The following FRMD5 variants were observed in gnomAD, a reference collection of about 807,000 sequenced individuals.
FRMD5 encodes the protein FERM domain containing 5.
A neutral mutation model predicts 69.0 loss-of-function variants in FRMD5; 20 were observed. The observed-to-expected ratio is 0.29, with a 90% CI of 0.20 to 0.42. FRMD5 has a LOEUF of 0.42. Ranked by LOEUF, FRMD5 falls within the 10% of genes least tolerant of loss-of-function variation. The pLI, the probability that FRMD5 is intolerant of heterozygous loss-of-function variation, is 1.00. For missense variants in FRMD5, 595 were observed against 708.6 expected, an observed-to-expected ratio of 0.84 and a Z score of 1.82; for synonymous variants, 271 against 260.1, an observed-to-expected ratio of 1.04 and a Z score of -0.40.
intron 1 of FRMD5, among the ~76,000 whole-genome samples, chr15:44,072,054 C>T (rs1195144983): frequency 2.6e-5 from 4 of 152,060 alleles, no homozygotes; most frequent in South Asian, 2.1e-4. Flanking sequence ...TTAGCAGAGA[C>T]GTGGTTTCAC....
chr15:44,069,983 A>C (rs1893468781), intron 1 of FRMD5, among the ~76,000 whole-genome samples: 1 of 152,184 alleles, frequency 6.6e-6, no homozygotes, highest in Non-Finnish European at 1.5e-5. Flanking sequence ...CTACTAAGGA[A>C]ATTTTTTAAA....
At chr15:43,963,295 C>T (rs966267844) in intron 1 of FRMD5, among the ~76,000 whole-genome samples, 1 of 152,170 alleles carries the variant, frequency 6.6e-6, no homozygotes, top group African/African-American at 2.4e-5. Flanking sequence ...AGCTAAAAAA[C>T]ACATGAAAAA....
intron 1 of FRMD5, among the ~76,000 whole-genome samples, chr15:44,157,844 CTT>C (rs1454497887): frequency 6.6e-6 from 1 of 151,896 alleles, no homozygotes; most frequent in East Asian, 1.9e-4. Context: ...TGATTTCAAA[CTT>C]AAAAAAAAAG....
chr15:43,991,136 G>A (rs574669813), intron 1 of FRMD5, among the ~76,000 whole-genome samples: 1 of 152,306 alleles, frequency 6.6e-6, no homozygotes, highest in Non-Finnish European at 1.5e-5. Context: ...ACAGGTCTCT[G>A]CCAGAGTTAA....
intron 1 of FRMD5, among the ~76,000 whole-genome samples, chr15:44,005,549 T>A (rs552479245): frequency 1.3e-5 from 2 of 150,714 alleles, no homozygotes; most frequent in East Asian, 2.0e-4. Flanking sequence ...TTTAATTGAC[T>A]CAGTTCTGCA....
intron 1 of FRMD5, among the ~76,000 whole-genome samples, chr15:43,974,594 C>T (rs536408284): frequency 1.3e-5 from 2 of 152,296 alleles, no homozygotes; most frequent in East Asian, 3.9e-4. Context: ...AGGGCGGTGC[C>T]TTATCCATTT....
intron 7 of FRMD5, among the ~76,000 whole-genome samples, chr15:43,898,318 G>C (rs1327559802): frequency 6.6e-6 from 1 of 152,246 alleles, no homozygotes; most frequent in Non-Finnish European, 1.5e-5. Context: ...ATGTTAGTTG[G>C]TTCCTTAGAG....
At chr15:43,875,968 G>A in intron 13 of FRMD5, 1 of 1,382,036 alleles carries the variant, frequency 7.2e-7, no homozygotes, top group Middle Eastern at 2.1e-4. Context: ...TCTTGAAATG[G>A]TCCCACCATG....
intron 1 of FRMD5, among the ~76,000 whole-genome samples, chr15:44,133,255 C>T (rs991253174): frequency 6.6e-6 from 1 of 150,818 alleles, no homozygotes; most frequent in African/African-American, 2.4e-5. Flanking sequence ...ATTAAAATGG[C>T]AAATTTTATA....
chr15:44,051,940 A>AGCC (rs1313492244), intron 1 of FRMD5, among the ~76,000 whole-genome samples: 1 of 152,128 alleles, frequency 6.6e-6, no homozygotes, highest in African/African-American at 2.4e-5. Flanking sequence ...TTGCCTGGCT[A>AGCC]AGGCAATGTC....
At chr15:43,998,815 C>A (rs547193575) in intron 1 of FRMD5, among the ~76,000 whole-genome samples, 1 of 152,300 alleles carries the variant, frequency 6.6e-6, no homozygotes, top group Admixed American at 6.5e-5. Flanking sequence ...ATGAAAGACT[C>A]CGCATTCCAA....
intron 4 of FRMD5, among the ~76,000 whole-genome samples, chr15:43,915,084 C>T (rs957637494): frequency 6.6e-6 from 1 of 152,198 alleles, no homozygotes; most frequent in Non-Finnish European, 1.5e-5. Context: ...CTTAGAGATA[C>T]TGTTCTTGCC....
Position 44,194,933 on chromosome 15 carries a change from CG to C in FRMD5, c.102+19del. 1.3e-6 allele frequency: 2 copies of C among 1,509,032 alleles called. No individual in the cohort carries two copies. Among genetic ancestry groups the C allele is most frequent in the Non-Finnish European group, 8.8e-7 (1 of 1,130,028 alleles). 93.5% of individuals were successfully genotyped at this position (1,509,032 alleles called of 1,614,324 possible). The stretch of plus-strand genomic sequence containing the variant: ...GGACAAGGGGGTCCCGCGGGCGGGG[CG>C]GGGCGGCGCGGCGCTGACCTGGATG... On this transcript the variant is annotated intron_variant, in intron 1 of 13. Transcript: ENST00000417257.
At chr15:43,908,463 G>A (rs2089222910) in intron 5 of FRMD5, among the ~76,000 whole-genome samples, 1 of 152,138 alleles carries the variant, frequency 6.6e-6, no homozygotes, top group East Asian at 1.9e-4. Context: ...TCTTAACACA[G>A]GCAGCCAGCC....
At chr15:43,990,115 C>T (rs1889600961) in intron 1 of FRMD5, 1 of 643,006 alleles carries the variant, frequency 1.6e-6, no homozygotes. Flanking sequence ...TGGGCATCGT[C>T]ACCTGCAAAG....
At chr15:43,953,814 C>T (rs1422989970) in intron 1 of FRMD5, among the ~76,000 whole-genome samples, 1 of 152,142 alleles carries the variant, frequency 6.6e-6, no homozygotes, top group Admixed American at 6.5e-5. Context: ...TAAAAATAAC[C>T]TTCAAAAGGT....
In FRMD5 at chr15:43,872,497, T is replaced by C. The variant is rs2088186560; in HGVS notation, c.*1388A>G. Reference sequence around the variant, plus strand: ...ATCTTGTGTGTGATTGGTTTTAGAGTTGAAGAGCTTGGGCCTAGGATCCCA... The same window carrying C: ...ATCTTGTGTGTGATTGGTTTTAGAGCTGAAGAGCTTGGGCCTAGGATCCCA... On this transcript the variant is annotated 3_prime_UTR_variant, in exon 14 of 14. Transcript: ENST00000417257. The C allele has an allele frequency of 6.6e-6, 1 of 152,144 alleles. No homozygotes were observed. Among genetic ancestry groups the C allele is most frequent in the Admixed American group, 6.5e-5 (1 of 15,270 alleles). The allele number at this position is 152,144 out of a possible 1,614,324, so 9.4% of individuals were successfully genotyped here.
chr15:44,122,842 G>T (rs2076973050), intron 1 of FRMD5, among the ~76,000 whole-genome samples: 2 of 151,956 alleles, frequency 1.3e-5, no homozygotes, highest in Admixed American at 1.3e-4. Flanking sequence ...AGTGAGCTGA[G>T]ATCGTGCCAC....
chr15:44,018,502 A>T (rs1287393726), intron 1 of FRMD5, among the ~76,000 whole-genome samples: 6 of 152,164 alleles, frequency 3.9e-5, no homozygotes, highest in Non-Finnish European at 7.4e-5. Context: ...TAGAACACTG[A>T]AAAAAAGTAT....
Sources: gnomAD v4.1 joint callset for allele counts (sites outside exome capture counted in the v4.1 genomes callset) on GRCh38, gnomAD v4.1.1 for gene constraint, MANE v1.5 for transcripts, NCBI Gene and HGNC (gene_info 2026-07-23, HGNC 2026-07-21) for gene names.